The following PELP1 variants were observed in gnomAD, a reference collection of about 807,000 sequenced individuals.
The protein encoded by PELP1 is proline, glutamate and leucine rich protein 1, also known as proline-, glutamic acid- and leucine-rich protein 1.
Under a neutral mutation model 95.5 loss-of-function variants are expected in PELP1, and 32 were observed. That is an observed-to-expected ratio of 0.34 (90% CI 0.25 to 0.45). The LOEUF (loss-of-function observed/expected upper bound fraction) is 0.45. Among genes scored for constraint, PELP1 ranks in the 20% least tolerant of loss-of-function variants. The pLI, the probability that PELP1 is intolerant of heterozygous loss-of-function variation, is 1.00. For missense variants in PELP1, 1,358 were observed against 1,444.8 expected, an observed-to-expected ratio of 0.94 and a Z score of 0.97; for synonymous variants, 668 against 600.1, an observed-to-expected ratio of 1.11 and a Z score of -1.65.
intron 1 of PELP1, 32 bp downstream of exon 1, chr17:4,703,831 C>T (rs1440100836): frequency 1.3e-6 from 2 of 1,582,500 alleles, no homozygotes; most frequent in Non-Finnish European, 8.6e-7. Context: ...ATCCTCCCCA[C>T]AGGGCCGCGG....
At chr17:4,683,531 C>CTTTTTT (rs59870828) in intron 3 of PELP1, among the ~76,000 whole-genome samples, 1,158 of 96,514 alleles carry the variant, frequency 0.012, 124 homozygotes, top group East Asian at 0.037. Flanking sequence ...GTTTTCTTTT[C>CTTTTTT]TTTTTTTTTT....
intron 5 of PELP1, 63 bp downstream of exon 5, chr17:4,682,439 G>A: frequency 9.4e-7 from 1 of 1,063,346 alleles, no homozygotes. Flanking sequence ...TCTCAGGACA[G>A]GAATCTGAGG....
rs183270712 is a variant in PELP1 at position 4,678,146 on chromosome 17, G to A, written c.643-1334C>T. Among the ~76,000 whole-genome samples the A allele has an allele frequency of 4.7e-4, 72 of 151,818 alleles. 1 individual carries two copies. Among genetic ancestry groups the A allele is most frequent in the Admixed American group, 4.6e-4 (7 of 15,232 alleles). On this transcript the variant is annotated intron_variant, in intron 5 of 16. Transcript: ENST00000572293. ...GGAGAATTGCTTGAACCCAGGAGGC[G>A]GAGGTTGCAGTGAGCCGAGATCACG...
intron 1 of PELP1, among the ~76,000 whole-genome samples, chr17:4,695,258 G>T (rs930091640): frequency 6.6e-6 from 1 of 151,902 alleles, no homozygotes; most frequent in Admixed American, 6.6e-5. Flanking sequence ...GGAGGCAGAG[G>T]TCGCAGTGAG....
At chr17:4,699,090 G>A (rs1417513539) in intron 1 of PELP1, among the ~76,000 whole-genome samples, 2 of 152,156 alleles carry the variant, frequency 1.3e-5, no homozygotes, top group Admixed American at 6.6e-5. Context: ...TTTAAAAACT[G>A]AAGAATCCAG....
At chr17:4,692,691 G>A (rs1311919101) in intron 1 of PELP1, among the ~76,000 whole-genome samples, 1 of 151,926 alleles carries the variant, frequency 6.6e-6, no homozygotes, top group Non-Finnish European at 1.5e-5. Flanking sequence ...TTATTTAGGA[G>A]AGTAGATACA....
intron 1 of PELP1, among the ~76,000 whole-genome samples, chr17:4,703,368 GT>G (rs1308746591): frequency 6.6e-6 from 1 of 152,152 alleles, no homozygotes. Flanking sequence ...ATCTCTGCCA[GT>G]CTTCAGATAA....
intron 1 of PELP1, among the ~76,000 whole-genome samples, chr17:4,695,800 G>A (rs138846539): frequency 3.3e-5 from 5 of 150,834 alleles, no homozygotes; most frequent in Non-Finnish European, 7.4e-5. Flanking sequence ...CCAACGTGGC[G>A]AAACTAAACA....
In PELP1 at chr17:4,675,011, C is replaced by G; in HGVS notation, c.1275-55G>C. On this transcript the variant is annotated intron_variant, in intron 11 of 16. Transcript: ENST00000572293. The surrounding 1 kb of genome is among the most constrained non-coding windows in gnomAD (Gnocchi z 4.3). ...AATGGGGGGTCAACATGCCAGAAGC[C>G]CCAGCCCACCTGCACCCCCTCACCC... is the stretch of plus-strand genomic sequence containing the variant. 6.2e-7 allele frequency: 1 copy of G among 1,606,488 alleles called. No homozygotes were observed. Among genetic ancestry groups the G allele is most frequent in the South Asian group, 1.1e-5 (1 of 90,698 alleles).
rs370469109 is a variant in PELP1 at position 4,674,692 on chromosome 17, T to C, written c.1423-23A>G. 191 of 1,591,660 alleles carry C rather than the reference T, an allele frequency of 1.2e-4. 1 individual carries two copies. The highest frequency in any genetic ancestry group is 8.4e-4 in the Middle Eastern group (5 of 5,942). ...CAGCTGGAGGCAGAGAAAACATAAATCACATCCACAGGCAAACAACAAGGC... is the reference window on the plus strand; with the variant it reads ...CAGCTGGAGGCAGAGAAAACATAAACCACATCCACAGGCAAACAACAAGGC... On this transcript the variant is annotated intron_variant, in intron 12 of 16. Coordinates refer to ENST00000572293, the MANE Select transcript of PELP1 (RefSeq NM_014389.3).
chr17:4,687,673 A>G (rs1446693529), intron 3 of PELP1, among the ~76,000 whole-genome samples: 2 of 152,202 alleles, frequency 1.3e-5, no homozygotes, highest in East Asian at 3.8e-4. Flanking sequence ...AAGCATAAAC[A>G]TTTCCTATTT....
chr17:4,671,424 G>T lies in PELP1; in HGVS notation c.*15C>A. On this transcript the variant is annotated 3_prime_UTR_variant, in exon 17 of 17. Coordinates refer to ENST00000572293, the MANE Select transcript of PELP1 (RefSeq NM_014389.3). ...ATAACTTTATTGGAAACAAAGAGTGGGGTGCAGAAGATGGCTAGGAGTCAG... is the reference window on the plus strand; with the variant it reads ...ATAACTTTATTGGAAACAAAGAGTGTGGTGCAGAAGATGGCTAGGAGTCAG... 8.0e-7 allele frequency: 1 copy of T among 1,251,654 alleles called. No individual in the cohort carries two copies. The highest frequency in any genetic ancestry group is 1.2e-6 in the Non-Finnish European group (1 of 848,918). 77.5% of individuals were successfully genotyped at this position (1,251,654 alleles called of 1,614,324 possible). A position where few individuals can be genotyped will look rare whatever the true frequency, so the allele number is the denominator to read the frequency against.
intron 5 of PELP1, among the ~76,000 whole-genome samples, chr17:4,677,051 T>C (rs1471854804): frequency 6.6e-6 from 1 of 152,196 alleles, no homozygotes; most frequent in African/African-American, 2.4e-5. Flanking sequence ...GGCCTGGCCC[T>C]GTCCCAGAGA....
chr17:4,690,009 G>T (rs1289934151), intron 3 of PELP1, among the ~76,000 whole-genome samples: 1 of 152,032 alleles, frequency 6.6e-6, no homozygotes, highest in East Asian at 1.9e-4. Context: ...CTGGGCGACA[G>T]AGCAAAACTC....
At chr17:4,679,432 C>T (rs1272566140) in intron 5 of PELP1, among the ~76,000 whole-genome samples, 2 of 152,122 alleles carry the variant, frequency 1.3e-5, no homozygotes, top group East Asian at 3.9e-4. Context: ...AATAAAAAAG[C>T]AACAGCAGAA....
intron 1 of PELP1, among the ~76,000 whole-genome samples, chr17:4,701,816 C>T (rs1913551938): frequency 6.6e-6 from 1 of 152,092 alleles, no homozygotes; most frequent in Admixed American, 6.6e-5. Context: ...TTGAATGAAA[C>T]CTTTGGGGAA....
intron 3 of PELP1, among the ~76,000 whole-genome samples, chr17:4,686,311 G>A (rs1393595586): frequency 2.0e-5 from 3 of 152,096 alleles, no homozygotes; most frequent in Non-Finnish European, 1.5e-5. Context: ...TGTTCTACTC[G>A]ATGCTAATCT....
intron 1 of PELP1, among the ~76,000 whole-genome samples, chr17:4,701,033 A>T (rs1212170364): frequency 6.8e-6 from 1 of 147,132 alleles, no homozygotes; most frequent in Non-Finnish European, 1.5e-5. Context: ...TATGGGAGGA[A>T]TGAAATAACA....
intron 2 of PELP1, 53 bp downstream of exon 2, chr17:4,691,325 C>T: frequency 7.9e-7 from 1 of 1,260,148 alleles, no homozygotes; most frequent in Non-Finnish European, 1.2e-6. Context: ...TGTACATATG[C>T]CCACTTCCTA....
Sources: gnomAD v4.1 joint callset for allele counts (sites outside exome capture counted in the v4.1 genomes callset) on GRCh38, gnomAD v4.1.1 for gene constraint, Gnocchi (gnomAD v3.1) non-coding constraint, MANE v1.5 for transcripts, NCBI Gene and HGNC (gene_info 2026-07-23, HGNC 2026-07-21) for gene names.